Variants in LMBR1 observed in about 807,000 individuals in gnomAD.
The protein encoded by LMBR1 is limb development membrane protein 1.
In LMBR1, 52 loss-of-function variants were observed where a neutral mutation model predicts 73.9. That is an observed-to-expected ratio of 0.70 (90% CI 0.56 to 0.89). LMBR1 has a LOEUF of 0.89. LMBR1 is among the 40% of genes least tolerant of loss of function. The pLI is 0.00. For synonymous variants in LMBR1, 215 were observed against 209.4 expected, an observed-to-expected ratio of 1.03 and a Z score of -0.23; for missense variants, 539 against 579.8, an observed-to-expected ratio of 0.93 and a Z score of 0.72.
At chr7:156,817,939 G>C (rs1483347036) in intron 4 of LMBR1, among the ~76,000 whole-genome samples, 1 of 152,050 alleles carries the variant, frequency 6.6e-6, no homozygotes, top group Non-Finnish European at 1.5e-5. Flanking sequence ...GGATCGACAA[G>C]ATATGATTAA....
At chr7:156,742,939 A>C (rs976365227) in intron 9 of LMBR1, among the ~76,000 whole-genome samples, 1 of 152,232 alleles carries the variant, frequency 6.6e-6, no homozygotes, top group Non-Finnish European at 1.5e-5. Context: ...AGGGTGGTTC[A>C]ACATATTCAA....
rs1331225134 is a variant in LMBR1, at chr7:156,680,399, A to AGTGTGTGTGTGTGTGTGTGT, written c.*3678_*3679insACACACACACACACACACAC. The AGTGTGTGTGTGTGTGTGTGT allele has an allele frequency of 2.2e-5, 3 of 136,568 alleles. No individual in the cohort carries two copies. The highest frequency in any genetic ancestry group is 8.8e-5 in the African/African-American group (3 of 33,932). 8.5% of individuals were successfully genotyped at this position (136,568 alleles called of 1,614,324 possible). A position where few individuals can be genotyped will look rare whatever the true frequency, so the allele number is the denominator to read the frequency against. On this transcript the variant is annotated 3_prime_UTR_variant, in exon 17 of 17. Transcript: ENST00000353442. ...GACAGAGAGAGAGAGAGAGAGAGAG[A>AGTGTGTGTGTGTGTGTGTGT]GAGAGTGTGTGTGTGTGTGTGTGTG...
rs1805435338 is a variant in LMBR1 at position 156,683,710 on chromosome 7, T to TAAAGTACA, written c.*367_*368insTGTACTTT. The TAAAGTACA allele has an allele frequency of 5.8e-6, 1 of 173,494 alleles. No homozygotes were observed. Among genetic ancestry groups the TAAAGTACA allele is most frequent in the Non-Finnish European group, 1.2e-5 (1 of 82,550 alleles). The allele number at this position is 173,494 out of a possible 1,614,324, so 10.7% of individuals were successfully genotyped here. A position where few individuals can be genotyped will look rare whatever the true frequency, so the allele number is the denominator to read the frequency against. On this transcript the variant is annotated 3_prime_UTR_variant, in exon 17 of 17. Coordinates refer to ENST00000353442, the MANE Select transcript of LMBR1 (RefSeq NM_022458.4). ...ATTCTGAATAAAGTACATAATGGGA[T>TAAAGTACA]TTAAGTAAATCTTTAGAAGTCCCGG...
chr7:156,764,521 C>T (rs544809517), intron 5 of LMBR1, among the ~76,000 whole-genome samples: 1 of 152,172 alleles, frequency 6.6e-6, no homozygotes, highest in East Asian at 1.9e-4. Context: ...GCTTTTACTC[C>T]CCAAAAAATC....
intron 15 of LMBR1, among the ~76,000 whole-genome samples, chr7:156,720,194 G>A (rs113557675): frequency 6.9e-4 from 105 of 151,516 alleles, no homozygotes; most frequent in African/African-American, 2.4e-3. Context: ...GAAAATTTTC[G>A]CAACCTACTC....
intron 5 of LMBR1, among the ~76,000 whole-genome samples, chr7:156,790,083 C>T (rs1307813588): frequency 6.6e-6 from 1 of 151,990 alleles, no homozygotes; most frequent in Non-Finnish European, 1.5e-5. Flanking sequence ...ATCTATTAAA[C>T]AAATACCTAT....
intron 4 of LMBR1, among the ~76,000 whole-genome samples, chr7:156,809,939 T>C (rs1832798579): frequency 6.6e-6 from 1 of 152,194 alleles, no homozygotes; most frequent in Non-Finnish European, 1.5e-5. Flanking sequence ...TTTGAAATGT[T>C]TCTGCCATTA....
intron 9 of LMBR1, among the ~76,000 whole-genome samples, chr7:156,753,937 T>C (rs546168100): frequency 6.6e-6 from 1 of 152,272 alleles, no homozygotes; most frequent in South Asian, 2.1e-4. Flanking sequence ...AGTTAAGCAC[T>C]AGATGAAAAC....
intron 5 of LMBR1, among the ~76,000 whole-genome samples, chr7:156,782,196 C>T (rs749892032): frequency 1.3e-5 from 2 of 152,132 alleles, no homozygotes; most frequent in Non-Finnish European, 2.9e-5. Context: ...GGATATATCA[C>T]GTGTGGTTTA....
intron 3 of LMBR1, among the ~76,000 whole-genome samples, chr7:156,827,691 T>C (rs1835933658): frequency 6.6e-6 from 1 of 151,818 alleles, no homozygotes; most frequent in Non-Finnish European, 1.5e-5. Flanking sequence ...AAAGTAAAAA[T>C]AAATATAAGA....
chr7:156,819,714 T>C (rs1407179391), intron 4 of LMBR1, among the ~76,000 whole-genome samples: 2 of 152,200 alleles, frequency 1.3e-5, no homozygotes, highest in African/African-American at 4.8e-5. Context: ...ACACTGATCC[T>C]AGGAGACCTT....
chr7:156,832,698 G>T (rs371656279), intron 3 of LMBR1, among the ~76,000 whole-genome samples: 1 of 152,186 alleles, frequency 6.6e-6, no homozygotes. Context: ...AAAGCACACA[G>T]AATCTTTCTC....
Position 156,681,047 on chromosome 7 carries a change from TCAAG to T in LMBR1, c.*3027_*3030del. On this transcript the variant is annotated 3_prime_UTR_variant, in exon 17 of 17. Coordinates refer to ENST00000353442, the MANE Select transcript of LMBR1 (RefSeq NM_022458.4). ...AAAAGTTAACATTATACCAGTTTTT[TCAAG>T]TTTAAAAAGTCGGTGCTGCATCTAT... 5.1e-6 allele frequency: 2 copies of T among 389,138 alleles called. No homozygotes were observed. The highest frequency in any genetic ancestry group is 4.3e-5 in the African/African-American group (2 of 46,186). 24.1% of individuals were successfully genotyped at this position (389,138 alleles called of 1,614,324 possible).
intron 15 of LMBR1, among the ~76,000 whole-genome samples, chr7:156,707,497 A>G (rs1394173735): frequency 1.3e-5 from 2 of 152,204 alleles, no homozygotes; most frequent in Non-Finnish European, 2.9e-5. Context: ...TGAATCCAAC[A>G]GCACATCAAA....
intron 1 of LMBR1, among the ~76,000 whole-genome samples, chr7:156,873,055 G>A (rs1055721666): frequency 5.3e-5 from 8 of 152,018 alleles, no homozygotes; most frequent in South Asian, 4.2e-4. Context: ...CTTCGTGGTC[G>A]CCAAAATGTG....
At position 156,789,608 on chromosome 7, in the gene LMBR1, G is replaced by GA. The variant is rs1828836111; in HGVS notation, c.423+6780dup. Among the ~76,000 whole-genome samples the GA allele has an allele frequency of 3.3e-5, 5 of 152,134 alleles. No individual in the cohort carries two copies. In the South Asian group the frequency reaches 1.0e-3, roughly 32 times the overall value. On this transcript the variant is annotated intron_variant, in intron 5 of 16. Coordinates refer to ENST00000353442, the MANE Select transcript of LMBR1 (RefSeq NM_022458.4). ...TCAAAGATCAACATTGTGACCCACTGAATAAATGATTTTATACATGAATAA... is the reference window on the plus strand; with the variant it reads ...TCAAAGATCAACATTGTGACCCACTGAAATAAATGATTTTATACATGAATAA...
chr7:156,814,227 C>G (rs760185775), intron 4 of LMBR1, among the ~76,000 whole-genome samples: 6 of 152,120 alleles, frequency 3.9e-5, no homozygotes, highest in Non-Finnish European at 7.4e-5. Flanking sequence ...TGAATAATGT[C>G]TCATACTTAA....
chr7:156,673,906 T>TAAAAA (rs3030984), downstream of LMBR1, among the ~76,000 whole-genome samples: 2,123 of 100,768 alleles, frequency 0.021, 41 homozygotes, highest in African/African-American at 0.079. Context: ...TCCACATTAA[T>TAAAAA]AAAAAAAAAA....
At position 156,846,511 on chromosome 7, in the gene LMBR1, A is replaced by C. The variant is rs371442360; in HGVS notation, c.67-9626T>G. On this transcript the variant is annotated intron_variant, in intron 1 of 16. Transcript: ENST00000353442. ...AAAATATGTACAGAATCTGTATAAG[A>C]AAGCTATAAAACTCTGAAAGAAATC... 4.6e-5 allele frequency among the ~76,000 whole-genome samples: 7 copies of C among 152,314 alleles called. 1 individual carries two copies. Among genetic ancestry groups the C allele is most frequent in the African/African-American group, 1.7e-4 (7 of 41,548 alleles).
Sources: allele counts gnomAD v4.1 joint callset (sites outside exome capture counted in the v4.1 genomes callset), GRCh38; gene constraint gnomAD v4.1.1; transcripts MANE v1.5; gene names NCBI Gene and HGNC (gene_info 2026-07-23, HGNC 2026-07-21).